MGAT5: variants seen among roughly 807,000 people sequenced by gnomAD.
The protein encoded by MGAT5 is alpha-1,6-mannosylglycoprotein 6-beta-N-acetylglucosaminyltransferase A.
MGAT5 carries 30 observed loss-of-function variants against 94.3 expected under a neutral mutation model. The observed-to-expected ratio is 0.32, with a 90% confidence interval of 0.24 to 0.43. The LOEUF (loss-of-function observed/expected upper bound fraction) is 0.43, where lower values mean the gene tolerates loss of function less well. Ranked by LOEUF, MGAT5 falls within the 20% of genes least tolerant of loss-of-function variation. The pLI is 1.00. For synonymous variants in MGAT5, 310 were observed against 322.9 expected (o/e 0.96, Z 0.43); for missense variants, 691 against 905.5 (o/e 0.76, Z 3.04).
chr2:134,223,627 A>G (rs1680903011), intron 1 of MGAT5, among the ~76,000 whole-genome samples: 1 of 152,228 alleles, frequency 6.6e-6, no homozygotes, highest in South Asian at 2.1e-4. Flanking sequence ...TAGGGCTGAA[A>G]TCTAGTATTA....
At chr2:134,423,064 T>C (rs1684385925) in intron 13 of MGAT5, 145 bp downstream of exon 13, 2 of 609,334 alleles carry the variant, frequency 3.3e-6, no homozygotes, top group Admixed American at 2.9e-5. Flanking sequence ...GCTGCAGGAT[T>C]TGGCCTGTGG....
intron 14 of MGAT5, among the ~76,000 whole-genome samples, chr2:134,439,975 AG>A (rs1285498948): frequency 1.3e-5 from 2 of 152,220 alleles, no homozygotes; most frequent in African/African-American, 4.8e-5. Context: ...AGATCTGGAA[AG>A]GAAACGTGAG....
chr2:134,306,954 C>T (rs1686364338), intron 2 of MGAT5, among the ~76,000 whole-genome samples: 1 of 152,098 alleles, frequency 6.6e-6, no homozygotes. Context: ...TGATACATTT[C>T]AGTGTCAGTT....
chr2:134,350,191 C>T (rs1679290509), intron 9 of MGAT5, among the ~76,000 whole-genome samples: 1 of 152,060 alleles, frequency 6.6e-6, no homozygotes, highest in African/African-American at 2.4e-5. Flanking sequence ...TACAAAGTAT[C>T]TTTAGAAACT....
At chr2:134,295,049 T>G (rs1474305056) in intron 2 of MGAT5, among the ~76,000 whole-genome samples, 1 of 152,198 alleles carries the variant, frequency 6.6e-6, no homozygotes, top group Non-Finnish European at 1.5e-5. Context: ...GTACCCTTTC[T>G]GTAGAAAGTA....
intron 11 of MGAT5, among the ~76,000 whole-genome samples, chr2:134,411,653 G>C (rs1458247436): frequency 1.3e-5 from 2 of 152,208 alleles, no homozygotes; most frequent in Non-Finnish European, 1.5e-5. Flanking sequence ...CAGCCCGGCA[G>C]CTTGGGCCTG....
chr2:134,406,605 C>T (rs967543360), intron 11 of MGAT5, among the ~76,000 whole-genome samples: 3 of 152,054 alleles, frequency 2.0e-5, no homozygotes, highest in African/African-American at 2.4e-5. Flanking sequence ...AAGGCAGGTG[C>T]GGTGCAGTAG....
intron 1 of MGAT5, among the ~76,000 whole-genome samples, chr2:134,198,820 A>G (rs552714581): frequency 1.2e-4 from 19 of 152,338 alleles, no homozygotes; most frequent in African/African-American, 3.4e-4. Flanking sequence ...TGGTAACTGC[A>G]TCATGTTTCC....
chr2:134,260,160 A>T (rs1683228827), intron 1 of MGAT5, among the ~76,000 whole-genome samples: 1 of 152,198 alleles, frequency 6.6e-6, no homozygotes, highest in African/African-American at 2.4e-5. Context: ...AGGCAGTGAG[A>T]AGCCGGCAGC....
chr2:134,139,858 A>G (rs1658639102), intron 1 of MGAT5, among the ~76,000 whole-genome samples: 1 of 152,184 alleles, frequency 6.6e-6, no homozygotes, highest in South Asian at 2.1e-4. Flanking sequence ...CAGAGCAAGC[A>G]GAGGGAGGGG....
At chr2:134,328,166 C>T (rs1687753589) in intron 4 of MGAT5, among the ~76,000 whole-genome samples, 1 of 152,046 alleles carries the variant, frequency 6.6e-6, no homozygotes, top group Non-Finnish European at 1.5e-5. Context: ...TTGTTAGAAC[C>T]CCACTGGTTT....
chr2:134,289,628 T>G (rs893505319), intron 2 of MGAT5, among the ~76,000 whole-genome samples: 4 of 152,236 alleles, frequency 2.6e-5, no homozygotes, highest in Non-Finnish European at 4.4e-5. Context: ...TCCTACCATA[T>G]GCTGATAAGA....
intron 1 of MGAT5, among the ~76,000 whole-genome samples, chr2:134,151,556 A>T (rs1573749714): frequency 1.5e-5 from 2 of 135,246 alleles, no homozygotes; most frequent in East Asian, 4.8e-4. Context: ...GCCCTGTGGG[A>T]CCCACTCACT....
At chr2:134,259,771 T>C (rs774010622) in intron 1 of MGAT5, among the ~76,000 whole-genome samples, 4 of 152,206 alleles carry the variant, frequency 2.6e-5, no homozygotes, top group African/African-American at 4.8e-5. Flanking sequence ...TGTCATTGGC[T>C]GGAATATCCC....
chr2:134,216,501 T>C (rs1012737112), intron 1 of MGAT5, among the ~76,000 whole-genome samples: 2 of 152,154 alleles, frequency 1.3e-5, no homozygotes, highest in Non-Finnish European at 2.9e-5. Context: ...GGTTTTTCTG[T>C]TTGTTGAGGC....
intron 1 of MGAT5, among the ~76,000 whole-genome samples, chr2:134,214,258 C>G (rs1324316174): frequency 1.3e-5 from 2 of 151,788 alleles, no homozygotes; most frequent in Non-Finnish European, 1.5e-5. Flanking sequence ...CAACCCATGG[C>G]CCAAGGGCTG....
At chr2:134,221,782 G>A (rs1358076896) in intron 1 of MGAT5, among the ~76,000 whole-genome samples, 1 of 152,164 alleles carries the variant, frequency 6.6e-6, no homozygotes, top group East Asian at 1.9e-4. Context: ...GACAAACGCA[G>A]AAAAGGTGGG....
At chr2:134,322,183 T>A (rs1687371832) in intron 4 of MGAT5, among the ~76,000 whole-genome samples, 1 of 148,986 alleles carries the variant, frequency 6.7e-6, no homozygotes, top group African/African-American at 2.4e-5. Context: ...CTTCCGTGGT[T>A]TTAAATGTTG....
chr2:134,443,340 C>T (rs762248783), intron 15 of MGAT5, among the ~76,000 whole-genome samples: 2 of 152,128 alleles, frequency 1.3e-5, no homozygotes, highest in African/African-American at 2.4e-5. Context: ...TATAACTGCA[C>T]GCCACCATGC....
Sources: gnomAD v4.1 joint callset for allele counts (sites outside exome capture counted in the v4.1 genomes callset) on GRCh38, gnomAD v4.1.1 for gene constraint, MANE v1.5 for transcripts, NCBI Gene and HGNC (gene_info 2026-07-23, HGNC 2026-07-21) for gene names.